The following TULP1 variants were observed in gnomAD, a reference collection of about 807,000 sequenced individuals.
TULP1 encodes the protein TUB like protein 1, also known as tubby-related protein 1.
TULP1 carries 50 observed loss-of-function variants against 67.1 expected under a neutral mutation model. The ratio of observed to expected loss-of-function variants is 0.75; its 90% CI spans 0.59 to 0.94. The LOEUF (loss-of-function observed/expected upper bound fraction) is 0.94. TULP1 is among the 40% of genes least tolerant of loss of function. The probability of loss-of-function intolerance (pLI) is 0.00; values close to 1 mark genes in which losing one functional copy is unlikely to be tolerated. For synonymous variants in TULP1, 297 were observed against 294.0 expected (o/e 1.01, Z -0.11); for missense variants, 746 against 734.1 (o/e 1.02, Z -0.19).
Position 35,512,247 on chromosome 6 carries a change from T to C in TULP1, c.123A>G (p.Leu41=). 1 of 1,403,330 alleles carries C rather than the reference T, an allele frequency of 7.1e-7. No individual in the cohort carries two copies. Among genetic ancestry groups the C allele is most frequent in the Non-Finnish European group, 9.3e-7 (1 of 1,078,586 alleles). The allele number at this position is 1,403,330 out of a possible 1,614,324, so 86.9% of individuals were successfully genotyped here. A position where few individuals can be genotyped will look rare whatever the true frequency, so the allele number is the denominator to read the frequency against. ...CGGGGGCCTCCGTCCTCTTCTTCCTTAGCCTCTGTGCCGGGGCGGGTCGCT... is the reference window on the plus strand; with the variant it reads ...CGGGGGCCTCCGTCCTCTTCTTCCTCAGCCTCTGTGCCGGGGCGGGTCGCT... ...PKQRPAPAQR[L]RKKRTEAPES... The change falls in exon 3 of 15, where the codon CTA becomes CTG. Residue 41 remains leucine, a synonymous_variant. Transcript: ENST00000229771.
chr6:35,500,860 T>G (rs750799413), intron 13 of TULP1, among the ~76,000 whole-genome samples: 1 of 152,102 alleles, frequency 6.6e-6, no homozygotes, highest in African/African-American at 2.4e-5. Context: ...CTCTGGGGGA[T>G]TTGTGTGTTT....
rs1021960568 is a variant in TULP1, at chr6:35,506,216, C to A, written c.829-43G>T. 3 of 1,610,912 alleles carry A rather than the reference C, an allele frequency of 1.9e-6. No homozygotes were observed. In the African/African-American group the frequency reaches 4.0e-5, roughly 22 times the overall value. ...GTACATCAGCCCCAGAGCACCAGCTCCCCCGCTCCCAGCAGGTCCCAGTGC... is the reference window on the plus strand; with the variant it reads ...GTACATCAGCCCCAGAGCACCAGCTACCCCGCTCCCAGCAGGTCCCAGTGC... On this transcript the variant is annotated intron_variant, in intron 9 of 14. Transcript: ENST00000229771.
intron 8 of TULP1, 100 bp from the exon 9 acceptor site, chr6:35,506,379 C>T: frequency 6.8e-7 from 1 of 1,465,602 alleles, no homozygotes; most frequent in Non-Finnish European, 9.3e-7. Context: ...CCCGGCACGG[C>T]CAAGTTAGGA....
intron 5 of TULP1, 92 bp downstream of exon 5, chr6:35,510,769 C>T: frequency 1.9e-6 from 3 of 1,604,224 alleles, no homozygotes; most frequent in Non-Finnish European, 2.5e-6. Flanking sequence ...ATTTTGAGGC[C>T]TCAATCGCTG....
Position 35,503,548 on chromosome 6 carries a change from G to T in TULP1, c.1323+11C>A, listed in dbSNP as rs1454082015. 4 of 1,559,112 alleles carry T rather than the reference G, an allele frequency of 2.6e-6. No individual in the cohort carries two copies. The South Asian group carries it at 3.5e-5, about 14-fold the overall frequency. On this transcript the variant is annotated intron_variant, in intron 13 of 14. Transcript: ENST00000229771. This position sits in a 1 kb window ranked among gnomAD's most constrained non-coding sequence, Gnocchi z 4.0. ...ATAGGGAGCCAGGGGCCAGGGAGGT[G>T]CGGGGCTCACATTTCGGGGCCGGAT...
In TULP1 at chr6:35,510,965, G is replaced by GCCTCCTCTTCCTCGTCCTCCTCGT. The variant is rs281865169; in HGVS notation, c.371_394dup (p.Asp124_Glu131dup). ...AAGGATTTTCTCTTTCTTTTCCTCT[G>GCCTCCTCTTCCTCGTCCTCCTCGT]CCTCCTCTTCCTCGTCCTCCTCGTC... On this transcript the variant is annotated inframe_insertion, in exon 5 of 15. Transcript: ENST00000229771. 6.2e-7 allele frequency: 1 copy of GCCTCCTCTTCCTCGTCCTCCTCGT among 1,611,598 alleles called. No individual in the cohort carries two copies. Among genetic ancestry groups the GCCTCCTCTTCCTCGTCCTCCTCGT allele is most frequent in the East Asian group, 2.2e-5 (1 of 44,838 alleles).
intron 14 of TULP1, 31 bp downstream of exon 14, chr6:35,499,950 A>T: frequency 6.2e-7 from 1 of 1,613,220 alleles, no homozygotes; most frequent in Non-Finnish European, 8.5e-7. Flanking sequence ...GGTGGTGGAG[A>T]AGAGCCAGAC....
chr6:35,500,083 G>T lies in TULP1; in HGVS notation c.1393C>A (p.Pro465Thr), dbSNP rs112710652. 6.2e-7 allele frequency: 1 copy of T among 1,614,198 alleles called. No homozygotes were observed. The highest frequency in any genetic ancestry group is 8.5e-7 in the Non-Finnish European group (1 of 1,180,026). ...CCACTGTCATCGTTCCAGACAGGTG[G>T]CTTGTTGTGCAGTTCTATGAGGCTC... is the stretch of plus-strand genomic sequence containing the variant. ...LESLIELHNK[P>T]PVWNDDSGSY... Residue 465 changes from proline to threonine, a missense_variant, in exon 14 of 15, where the codon CCA becomes ACA. By Grantham distance (38) the Pro-to-Thr change is conservative. Around this residue, in one of 3 missense-constraint regions of TULP1, gnomAD observed 383 missense variants for 374.1 expected, o/e 1.02. Transcript: ENST00000229771.
chr6:35,508,343 A>C (rs964241071), intron 8 of TULP1, among the ~76,000 whole-genome samples: 2 of 152,274 alleles, frequency 1.3e-5, no homozygotes, highest in Admixed American at 6.5e-5. Context: ...ACTGTACTGA[A>C]GGCTGTTCTG....
rs2150925616 is a variant in TULP1, at chr6:35,506,255, GC to G, written c.828+18del. 1 of 1,596,082 alleles carries G rather than the reference GC, an allele frequency of 6.3e-7. No individual in the cohort carries two copies. Among genetic ancestry groups the G allele is most frequent in the South Asian group, 1.1e-5 (1 of 89,040 alleles). On this transcript the variant is annotated intron_variant, in intron 9 of 14. Coordinates refer to ENST00000229771, the MANE Select transcript of TULP1 (RefSeq NM_003322.6). ...AGGTCCCAGTGCTGAGACACGGGCA[GC>G]CCGGCAGGACAACTCACCGCTTTCT...
At chr6:35,511,285 C>T (rs1761195743) in intron 4 of TULP1, among the ~76,000 whole-genome samples, 1 of 152,174 alleles carries the variant, frequency 6.6e-6, no homozygotes, top group Non-Finnish European at 1.5e-5. Flanking sequence ...TCTCCTTACA[C>T]GCTCGCCTTG....
intron 5 of TULP1, 25 bp downstream of exon 5, chr6:35,510,836 C>T (rs763359123): frequency 3.7e-6 from 6 of 1,613,128 alleles, no homozygotes; most frequent in East Asian, 2.2e-5. Flanking sequence ...TCCCTGTGAG[C>T]TCTCTCAGCA....
intron 13 of TULP1, among the ~76,000 whole-genome samples, chr6:35,502,521 T>A (rs192404076): frequency 2.0e-5 from 3 of 150,402 alleles, no homozygotes; most frequent in African/African-American, 7.4e-5. Flanking sequence ...TGAGACAGAG[T>A]GTCGCTCTGT....
Position 35,503,643 on chromosome 6 carries a change from C to T in TULP1, c.1239G>A (p.Leu413=). The T allele has an allele frequency of 1.3e-6, 2 of 1,599,852 alleles. No individual in the cohort carries two copies. Among genetic ancestry groups the T allele is most frequent in the Non-Finnish European group, 1.7e-6 (2 of 1,173,478 alleles). ...TCATGCGCCGGGGGCCACGGAAGCC[C>T]AGCACGTTGGTTTCCTGGGAAGGAA... ...LAAVIYETNV[L]GFRGPRRMTV... The change falls in exon 13 of 15, where the codon CTG becomes CTA. Residue 413 remains leucine, a synonymous_variant. Coordinates refer to ENST00000229771, the MANE Select transcript of TULP1 (RefSeq NM_003322.6). This position sits in a 1 kb window ranked among gnomAD's most constrained non-coding sequence, Gnocchi z 4.0.
chr6:35,502,609 G>A (rs1021707718), intron 13 of TULP1, among the ~76,000 whole-genome samples: 3 of 151,528 alleles, frequency 2.0e-5, no homozygotes, highest in African/African-American at 4.9e-5. Flanking sequence ...TACTCCCTGC[G>A]TCAGCCTCCT....
intron 8 of TULP1, among the ~76,000 whole-genome samples, chr6:35,508,624 T>A (rs1211665747): frequency 6.6e-6 from 1 of 152,202 alleles, no homozygotes; most frequent in Non-Finnish European, 1.5e-5. Context: ...GAGTCCTGTT[T>A]GGGAGCAGGG....
rs1279250619 is a variant in TULP1, at chr6:35,498,460, G to T, written c.1496C>A (p.Pro499His). ...KNFQIVHADD[P>H]DYIVLQFGRV... Reference sequence around the variant, plus strand: ...GCCGAACTGCAGCACGATATAGTCGGCTATGGACACAAGACGGGGTGGGGG... The same window carrying T: ...GCCGAACTGCAGCACGATATAGTCGTCTATGGACACAAGACGGGGTGGGGG... Residue 499 changes from proline (P) to histidine (H), a missense_variant and splice_region_variant, in exon 15 of 15, where the codon CCC becomes CAC. By Grantham distance (77) the Pro-to-His change is moderately conservative. Around this residue, in one of 3 missense-constraint regions of TULP1, gnomAD observed 383 missense variants for 374.1 expected, o/e 1.02. Transcript: ENST00000229771. The surrounding 1 kb of genome is among the most constrained non-coding windows in gnomAD (Gnocchi z 6.7). The T allele has an allele frequency of 1.2e-6, 2 of 1,613,810 alleles. No individual in the cohort carries two copies. Among genetic ancestry groups the T allele is most frequent in the Non-Finnish European group, 1.7e-6 (2 of 1,180,028 alleles).
In TULP1 at chr6:35,505,714, CCCCAGCCCCAGGAAG is replaced by C; in HGVS notation, c.1112+12_1112+26del. 6.2e-7 allele frequency: 1 copy of C among 1,613,264 alleles called. No individual in the cohort carries two copies. The highest frequency in any genetic ancestry group is 8.5e-7 in the Non-Finnish European group (1 of 1,179,622). ...TATGGCCTTTTGCTGACCCAAGTCC[CCCCAGCCCCAGGAAG>C]CCCAGCCCCACCTCAGCTTCCCGAT... On this transcript the variant is annotated intron_variant, in intron 11 of 14. Transcript: ENST00000229771.
intron 8 of TULP1, among the ~76,000 whole-genome samples, chr6:35,507,459 G>C (rs1761109095): frequency 6.6e-6 from 1 of 151,988 alleles, no homozygotes; most frequent in Non-Finnish European, 1.5e-5. Context: ...GAAAGTAAAT[G>C]TTGTTTTAAG....
Sources: gnomAD v4.1 joint callset for allele counts (sites outside exome capture counted in the v4.1 genomes callset) on GRCh38, gnomAD v4.1.1 for gene constraint, gnomAD v4.1.1 regional missense constraint, Gnocchi (gnomAD v3.1) non-coding constraint, MANE v1.5 for transcripts, NCBI Gene and HGNC (gene_info 2026-07-23, HGNC 2026-07-21) for gene names.